MDM4: variants seen among roughly 807,000 people sequenced by gnomAD.
MDM4 encodes MDM4 regulator of p53.
A neutral mutation model predicts 60.2 loss-of-function variants in MDM4; 2 were observed. The observed-to-expected ratio is 0.03, with a 90% CI of 0.01 to 0.10. The LOEUF is 0.10. MDM4 is among the 10% of genes least tolerant of loss of function. MDM4 has a pLI of 1.00. For missense variants in MDM4, 447 were observed against 577.5 expected (o/e 0.77, Z 2.32); for synonymous variants, 202 against 198.1 (o/e 1.02, Z -0.17).
Position 204,551,007 on chromosome 1 carries a change from C to G in MDM4, c.*1325C>G, listed in dbSNP as rs968037395. On this transcript the variant is annotated 3_prime_UTR_variant, in exon 11 of 11. Coordinates refer to ENST00000367182, the MANE Select transcript of MDM4 (RefSeq NM_002393.5). Reference sequence around the variant, plus strand: ...TTCAGATAAACACACAAACATACTTCTCTGGCACAGCCTTCAGAAGCATCA... The same window carrying G: ...TTCAGATAAACACACAAACATACTTGTCTGGCACAGCCTTCAGAAGCATCA... 24 of 186,060 alleles carry G rather than the reference C, an allele frequency of 1.3e-4. No homozygotes were observed. The highest frequency in any genetic ancestry group is 5.4e-4 in the African/African-American group (23 of 42,654). The allele number at this position is 186,060 out of a possible 1,614,324, so 11.5% of individuals were successfully genotyped here.
chr1:204,540,271 C>T (rs1326311884), intron 7 of MDM4, among the ~76,000 whole-genome samples: 2 of 140,948 alleles, frequency 1.4e-5, no homozygotes, highest in African/African-American at 2.5e-5. Flanking sequence ...GGCGACAGAG[C>T]GAGACTCTGT....
chr1:204,529,593 C>T (rs1572473118), intron 3 of MDM4: 1 of 1,346,298 alleles, frequency 7.4e-7, no homozygotes, highest in East Asian at 2.5e-5. Context: ...GCCATACTGC[C>T]CTCCACTACT....
At position 204,538,204 on chromosome 1, in the gene MDM4, T is replaced by C. The variant is rs1379261087; in HGVS notation, c.412-5T>C. The C allele has an allele frequency of 6.4e-7, 1 of 1,573,310 alleles. No individual in the cohort carries two copies. The highest frequency in any genetic ancestry group is 1.7e-5 in the Admixed American group (1 of 59,706). On this transcript the variant is annotated splice_polypyrimidine_tract_variant and splice_region_variant and intron_variant, in intron 6 of 10. Coordinates refer to ENST00000367182, the MANE Select transcript of MDM4 (RefSeq NM_002393.5). ...GCACTGATGGACACCTTTCCCTTCTTTCAGCAAAGTGCAGAGGAAAGTTCC... is the reference window on the plus strand; with the variant it reads ...GCACTGATGGACACCTTTCCCTTCTCTCAGCAAAGTGCAGAGGAAAGTTCC...
chr1:204,534,468 C>T (rs1661185218), intron 5 of MDM4, among the ~76,000 whole-genome samples: 1 of 151,976 alleles, frequency 6.6e-6, no homozygotes, highest in South Asian at 2.1e-4. Flanking sequence ...TTTAACATGC[C>T]ATATAAAGAA....
intron 3 of MDM4, chr1:204,529,150 A>G: frequency 1.0e-6 from 1 of 976,588 alleles, no homozygotes; most frequent in Non-Finnish European, 1.6e-6. Flanking sequence ...CCACTGCTGG[A>G]TGAATTTCCA....
chr1:204,551,210 T>TG lies in MDM4; in HGVS notation c.*1529dup, dbSNP rs2102465790. ...GGCGCGTGCCACCACCATGCCCAGC[T>TG]GAATTTTGTATTTTTTGTACAGACA... On this transcript the variant is annotated 3_prime_UTR_variant, in exon 11 of 11. Coordinates refer to ENST00000367182, the MANE Select transcript of MDM4 (RefSeq NM_002393.5). 4.9e-6 allele frequency: 1 copy of TG among 204,956 alleles called. No homozygotes were observed. The highest frequency in any genetic ancestry group is 7.5e-5 in the East Asian group (1 of 13,394). The allele number at this position is 204,956 out of a possible 1,614,324, so 12.7% of individuals were successfully genotyped here.
chr1:204,536,235 G>A (rs958276837), intron 5 of MDM4, among the ~76,000 whole-genome samples: 1 of 152,190 alleles, frequency 6.6e-6, no homozygotes, highest in East Asian at 1.9e-4. Context: ...CAGGGTGACA[G>A]AGCAAGACTC....
chr1:204,526,238 A>C (rs1660131470), intron 2 of MDM4, 122 bp from the exon 3 acceptor site: 5 of 748,422 alleles, frequency 6.7e-6, no homozygotes, highest in African/African-American at 3.5e-5. Context: ...CCAAGGCGAC[A>C]GAGCAAGACC....
At chr1:204,547,657 G>A (rs1231665339) in intron 10 of MDM4, among the ~76,000 whole-genome samples, 1 of 152,212 alleles carries the variant, frequency 6.6e-6, no homozygotes, top group Non-Finnish European at 1.5e-5. Context: ...GTGTAGCTTA[G>A]TAATAAAGTA....
chr1:204,534,617 A>G (rs1349351193), intron 5 of MDM4, among the ~76,000 whole-genome samples: 1 of 152,016 alleles, frequency 6.6e-6, no homozygotes, highest in Non-Finnish European at 1.5e-5. Flanking sequence ...CCTCCTCAGT[A>G]GCTGGGACTA....
rs921233450 is a variant in MDM4, at chr1:204,535,693, C to T, written c.344-1737C>T. Among the ~76,000 whole-genome samples, 7 of 151,954 alleles carry T rather than the reference C, an allele frequency of 4.6e-5. No individual in the cohort carries two copies. The East Asian group carries it at 5.9e-4, about 13-fold the overall frequency. ...GATTACAGGTGCGCACCACCAAGCCCGGCTAATTTTTGTGATTTTAGTAGA... is the reference window on the plus strand; with the variant it reads ...GATTACAGGTGCGCACCACCAAGCCTGGCTAATTTTTGTGATTTTAGTAGA... On this transcript the variant is annotated intron_variant, in intron 5 of 10. Transcript: ENST00000367182.
rs148953645 is a variant in MDM4, at chr1:204,542,819, A to C, written c.547A>C (p.Thr183Pro). ...DLIENLAQDE[T>P]SRLDLGFEEW... ...AATTGAAAATTTAGCCCAAGATGAAACATCTAGGCTGGACCTTGGATTTGA... is the reference window on the plus strand; with the variant it reads ...AATTGAAAATTTAGCCCAAGATGAACCATCTAGGCTGGACCTTGGATTTGA... Residue 183 changes from threonine to proline, a missense_variant, in exon 8 of 11, where the codon ACA becomes CCA. Thr to Pro is a conservative substitution (Grantham distance 38, BLOSUM62 -1). Around this residue, in one of 8 missense-constraint regions of MDM4, gnomAD observed 184 missense variants for 179.3 expected, o/e 1.03. Coordinates refer to ENST00000367182, the MANE Select transcript of MDM4 (RefSeq NM_002393.5). 16 of 1,612,074 alleles carry C rather than the reference A, an allele frequency of 9.9e-6. No homozygotes were observed. The African/African-American group carries it at 2.1e-4, about 22-fold the overall frequency.
intron 5 of MDM4, among the ~76,000 whole-genome samples, chr1:204,533,405 G>C (rs768837168): frequency 1.2e-4 from 19 of 152,334 alleles, no homozygotes; most frequent in Admixed American, 6.5e-4. Context: ...TGCCCAGGCT[G>C]GAGTGCAGTG....
intron 3 of MDM4, chr1:204,528,944 C>T (rs892974069): frequency 1.9e-6 from 3 of 1,579,922 alleles, no homozygotes; most frequent in Admixed American, 3.4e-5. Context: ...CTGTCGGCAT[C>T]TGCAGCTGGG....
chr1:204,553,368 T>G lies in MDM4; in HGVS notation c.*3686T>G. 1 of 224,368 alleles carries G rather than the reference T, an allele frequency of 4.5e-6. No individual in the cohort carries two copies. The highest frequency in any genetic ancestry group is 8.9e-6 in the Non-Finnish European group (1 of 112,254). The allele number at this position is 224,368 out of a possible 1,614,324, so 13.9% of individuals were successfully genotyped here. A position where few individuals can be genotyped will look rare whatever the true frequency, so the allele number is the denominator to read the frequency against. On this transcript the variant is annotated 3_prime_UTR_variant, in exon 11 of 11. Transcript: ENST00000367182. Reference sequence around the variant, plus strand: ...AGTTATTGGGACCATGTGCTCTGGTTTTCTGGAGACTGCCAAATTGCTCCC... The same window carrying G: ...AGTTATTGGGACCATGTGCTCTGGTGTTCTGGAGACTGCCAAATTGCTCCC...
At chr1:204,526,265 A>C in intron 2 of MDM4, 95 bp from the exon 3 acceptor site, 2 of 1,089,440 alleles carry the variant, frequency 1.8e-6, no homozygotes, top group Non-Finnish European at 2.7e-6. Context: ...CAAAAAACAA[A>C]AGCGGGGGGA....
At chr1:204,519,525 GA>G (rs1027141334) in intron 1 of MDM4, among the ~76,000 whole-genome samples, 2 of 152,068 alleles carry the variant, frequency 1.3e-5, no homozygotes, top group South Asian at 2.1e-4. Context: ...ATATGTATAT[GA>G]AAAAGAAAAA....
At chr1:204,520,733 A>C (rs1659490170) in intron 1 of MDM4, among the ~76,000 whole-genome samples, 3 of 152,092 alleles carry the variant, frequency 2.0e-5, no homozygotes, top group Admixed American at 2.0e-4. Flanking sequence ...AAAATTAGCC[A>C]GGAATGGTGG....
In MDM4 at chr1:204,553,713, C is replaced by T. The variant is rs562260232; in HGVS notation, c.*4031C>T. 44 of 226,156 alleles carry T rather than the reference C, an allele frequency of 1.9e-4. No individual in the cohort carries two copies. Among genetic ancestry groups the T allele is most frequent in the East Asian group, 1.6e-3 (25 of 15,600 alleles). The allele number at this position is 226,156 out of a possible 1,614,324, so 14.0% of individuals were successfully genotyped here. On this transcript the variant is annotated 3_prime_UTR_variant, in exon 11 of 11. Transcript: ENST00000367182. ...AGAACAACGATGAATTTCAGTATTA[C>T]GGCTAAAAAGTTCTTCTGTCTGAAT... is the stretch of plus-strand genomic sequence containing the variant.
Sources: gnomAD v4.1 joint callset for allele counts (sites outside exome capture counted in the v4.1 genomes callset) on GRCh38, gnomAD v4.1.1 for gene constraint, gnomAD v4.1.1 regional missense constraint, MANE v1.5 for transcripts, NCBI Gene and HGNC (gene_info 2026-07-23, HGNC 2026-07-21) for gene names.